The following DNAH6 variants were observed in gnomAD, a reference collection of about 807,000 sequenced individuals.
DNAH6 encodes dynein axonemal heavy chain 6.
A neutral mutation model predicts 491.4 loss-of-function variants in DNAH6; 340 were observed. The ratio of observed to expected loss-of-function variants is 0.69; its 90% CI spans 0.63 to 0.76. The LOEUF is 0.76. Among genes scored for constraint, DNAH6 ranks in the 30% least tolerant of loss-of-function variants. DNAH6 has a pLI of 0.00. For missense variants in DNAH6, 4,443 were observed against 4,972.2 expected, an observed-to-expected ratio of 0.89 and a Z score of 3.20; for synonymous variants, 1,603 against 1,686.1, an observed-to-expected ratio of 0.95 and a Z score of 1.21.
intron 58 of DNAH6, among the ~76,000 whole-genome samples, chr2:84,715,987 C>G (rs1268666680): frequency 6.6e-6 from 1 of 152,058 alleles, no homozygotes; most frequent in Non-Finnish European, 1.5e-5. Flanking sequence ...TGGTCCATAC[C>G]TGTGAAAAAA....
intron 22 of DNAH6, among the ~76,000 whole-genome samples, chr2:84,614,010 T>TTTTATTTATTTA (rs57645053): frequency 9.5e-4 from 144 of 151,364 alleles, no homozygotes; most frequent in African/African-American, 3.3e-3. Flanking sequence ...TGCCATTCCA[T>TTTTATTTATTTA]TTTATTTATT....
At position 84,676,504 on chromosome 2, in the gene DNAH6, A is replaced by C. The variant is rs544808342; in HGVS notation, c.6613-501A>C. On this transcript the variant is annotated intron_variant, in intron 40 of 76. Transcript: ENST00000389394. Reference sequence around the variant, plus strand: ...AGTTCAATGTTAATGACTCAACAATATAAAATAAGGCATTTTAAACAGAAA... The same window carrying C: ...AGTTCAATGTTAATGACTCAACAATCTAAAATAAGGCATTTTAAACAGAAA... Among the ~76,000 whole-genome samples the C allele has an allele frequency of 5.3e-5, 8 of 152,362 alleles. No individual in the cohort carries two copies. In the South Asian group the frequency reaches 1.7e-3, roughly 32 times the overall value.
At chr2:84,696,807 G>C (rs1695441670) in intron 46 of DNAH6, among the ~76,000 whole-genome samples, 1 of 151,990 alleles carries the variant, frequency 6.6e-6, no homozygotes, top group Non-Finnish European at 1.5e-5. Context: ...AAGACAAAAA[G>C]TCTATTTCAA....
In DNAH6 at chr2:84,701,239, A is replaced by G. The variant is rs1213980066; in HGVS notation, c.7961A>G (p.Asn2654Ser). The stretch of plus-strand genomic sequence containing the variant: ...TCCAGCATGGCAGAGCGCTATTACA[A>G]TGAGCTGCGCAGGCGGTACTACACG... ...SVSSMAERYYNELRRRYYTTP... is the reference protein window; with the variant it reads ...SVSSMAERYYSELRRRYYTTP... The change falls in exon 49 of 77, where the codon AAT (asparagine) becomes AGT (serine). Residue 2654 changes from asparagine (N) to serine (S), a missense_variant. By Grantham distance (46) the Asn-to-Ser change is conservative (BLOSUM62 1). Around this residue, in one of 3 missense-constraint regions of DNAH6, gnomAD observed 2,977 missense variants for 3,296.6 expected, o/e 0.90. Transcript: ENST00000389394. 2 of 1,551,656 alleles carry G rather than the reference A, an allele frequency of 1.3e-6. No homozygotes were observed. Among genetic ancestry groups the G allele is most frequent in the East Asian group, 4.9e-5 (2 of 40,922 alleles).
chr2:84,810,080 G>A (rs1269878133), intron 72 of DNAH6, among the ~76,000 whole-genome samples: 19 of 152,032 alleles, frequency 1.2e-4, no homozygotes, highest in Admixed American at 1.2e-3. Context: ...TTTAAGTCCA[G>A]ATGTCACTTA....
At chr2:84,710,183 T>C in intron 55 of DNAH6, 104 bp from the exon 56 acceptor site, 14 of 1,425,432 alleles carry the variant, frequency 9.8e-6, no homozygotes, top group Non-Finnish European at 1.3e-5. Flanking sequence ...TTCAAATTTG[T>C]TTCTAGATTG....
Position 84,707,558 on chromosome 2 carries a change from G to A in DNAH6, c.8890G>A (p.Ala2964Thr). The A allele has an allele frequency of 6.4e-7, 1 of 1,551,902 alleles. No homozygotes were observed. The highest frequency in any genetic ancestry group is 8.7e-7 in the Non-Finnish European group (1 of 1,147,022). Residue 2964 changes from alanine (A) to threonine (T), a missense_variant, in exon 54 of 77, where the codon GCT becomes ACT. Physicochemically the swap from Ala to Thr is moderately conservative, Grantham distance 58 (BLOSUM62 0). This residue lies in a region of DNAH6 where 1,463 missense variants were observed against 1,656.6 expected (regional missense o/e 0.88). Transcript: ENST00000389394. ...CCTGACAAAAGCACGTCTAGTACGT[G>A]CTGGAAAGCTGACAGCAGCATTAGA... ...MALTKARLVRAGKLTAALEDE... is the reference protein window; with the variant it reads ...MALTKARLVRTGKLTAALEDE...
At chr2:84,696,548 G>A (rs577560173) in intron 46 of DNAH6, among the ~76,000 whole-genome samples, 1 of 151,972 alleles carries the variant, frequency 6.6e-6, no homozygotes, top group African/African-American at 2.4e-5. Flanking sequence ...AGACACATAA[G>A]AAAATGGAAC....
intron 45 of DNAH6, among the ~76,000 whole-genome samples, chr2:84,691,102 C>T (rs904597682): frequency 2.0e-5 from 3 of 152,148 alleles, no homozygotes; most frequent in Non-Finnish European, 2.9e-5. Context: ...TTGCCTACCA[C>T]GTGAGAGAAA....
chr2:84,583,930 G>A (rs1373225211), intron 14 of DNAH6, 69 bp from the exon 15 acceptor site: 5 of 1,532,974 alleles, frequency 3.3e-6, no homozygotes, highest in Non-Finnish European at 4.5e-6. Flanking sequence ...TCTGTCTCCT[G>A]TTAGAACAAA....
chr2:84,685,199 T>G (rs1020089683), intron 42 of DNAH6, 127 bp from the exon 43 acceptor site: 5 of 582,036 alleles, frequency 8.6e-6, no homozygotes, highest in Non-Finnish European at 1.1e-5. Flanking sequence ...GTATATCCAC[T>G]GGGGAAGCAG....
chr2:84,706,468 A>G (rs1246925434), intron 52 of DNAH6, among the ~76,000 whole-genome samples: 3 of 152,248 alleles, frequency 2.0e-5, no homozygotes, highest in African/African-American at 7.2e-5. Context: ...AACCATTCTT[A>G]GCTTGCATAC....
In DNAH6 at chr2:84,653,475, A is replaced by G. The variant is rs760505144; in HGVS notation, c.5235A>G (p.Val1745=). The change falls in exon 34 of 77, where the codon GTA becomes GTG. Residue 1745 remains valine (V), a synonymous_variant. Coordinates refer to ENST00000389394, the MANE Select transcript of DNAH6 (RefSeq NM_001370.2). ...TACAGTTTTATGAAACTATGCTAGT[A>G]AGGCATGGTGTTATGTTAGTCGGGC... is the stretch of plus-strand genomic sequence containing the variant. ...KVIQFYETML[V]RHGVMLVGPT... 36 of 1,551,274 alleles carry G rather than the reference A, an allele frequency of 2.3e-5. No individual in the cohort carries two copies. In the South Asian group the frequency reaches 4.2e-4, roughly 18 times the overall value.
chr2:84,509,005 G>T, the DNAH6 span, among the ~76,000 whole-genome samples: 1,149 of 152,266 alleles, frequency 7.5e-3, 5 homozygotes, highest in Admixed American at 0.013. Context: ...GTCAATTTTG[G>T]AATAAGTGCA....
At chr2:84,483,787 C>T in the DNAH6 span, among the ~76,000 whole-genome samples, 2 of 152,284 alleles carry the variant, frequency 1.3e-5, no homozygotes, top group African/African-American at 4.8e-5. Context: ...TCTGATATAA[C>T]AGGCAGGAAG....
At chr2:84,498,528 G>A in the DNAH6 span, among the ~76,000 whole-genome samples, 2 of 152,012 alleles carry the variant, frequency 1.3e-5, no homozygotes, top group East Asian at 1.9e-4. Context: ...TGAGAAGTTG[G>A]GTTTCTTTTA....
chr2:84,741,610 A>G (rs1357244650), intron 62 of DNAH6, among the ~76,000 whole-genome samples: 1 of 152,186 alleles, frequency 6.6e-6, no homozygotes, highest in Admixed American at 6.5e-5. Flanking sequence ...CTCATATCTC[A>G]GTCTCAACAG....
chr2:84,786,451 GA>G (rs1459895799), intron 67 of DNAH6, among the ~76,000 whole-genome samples: 10 of 147,278 alleles, frequency 6.8e-5, no homozygotes, highest in Admixed American at 1.4e-4. Context: ...AAAAAGAAAA[GA>G]TGCCAGATAT....
chr2:84,515,024 G>A (rs934050538), upstream of DNAH6, among the ~76,000 whole-genome samples: 2 of 152,068 alleles, frequency 1.3e-5, no homozygotes, highest in African/African-American at 4.8e-5. Context: ...AAACTTTGAA[G>A]GGAACAGATT....
Sources: gnomAD v4.1 joint callset for allele counts (sites outside exome capture counted in the v4.1 genomes callset) on GRCh38, gnomAD v4.1.1 for gene constraint, gnomAD v4.1.1 regional missense constraint, MANE v1.5 for transcripts, NCBI Gene and HGNC (gene_info 2026-07-23, HGNC 2026-07-21) for gene names.